ADCY8: variants seen among roughly 807,000 people sequenced by gnomAD.
The protein encoded by ADCY8 is adenylate cyclase 8.
In ADCY8, 51 loss-of-function variants were observed where a neutral mutation model predicts 119.7. That is an observed-to-expected ratio of 0.43 (90% confidence interval 0.34 to 0.54). The LOEUF is 0.54. Ranked by LOEUF, ADCY8 falls within the 20% of genes least tolerant of loss-of-function variation. The pLI, the probability that ADCY8 is intolerant of heterozygous loss-of-function variation, is 0.03. For synonymous variants in ADCY8, 665 were observed against 651.0 expected (o/e 1.02, Z -0.33); for missense variants, 1,383 against 1,598.8 (o/e 0.87, Z 2.30).
At chr8:130,784,920 G>A (rs1454518032) in intron 16 of ADCY8, among the ~76,000 whole-genome samples, 1 of 152,114 alleles carries the variant, frequency 6.6e-6, no homozygotes, top group Non-Finnish European at 1.5e-5. Context: ...GACATTATCT[G>A]AGATAATTCA....
chr8:130,961,077 C>T (rs1203692481), intron 2 of ADCY8, among the ~76,000 whole-genome samples: 1 of 152,112 alleles, frequency 6.6e-6, no homozygotes, highest in African/African-American at 2.4e-5. Flanking sequence ...ACAAAGGAGG[C>T]CTTTTACTTC....
chr8:130,936,468 A>G (rs76208018), intron 5 of ADCY8, among the ~76,000 whole-genome samples: 13,548 of 152,132 alleles, frequency 0.089, 652 homozygotes, highest in Non-Finnish European at 0.1. Context: ...CCTACAGTCC[A>G]TCTGTCACTA....
chr8:130,794,294 G>C (rs1383045721), intron 15 of ADCY8, among the ~76,000 whole-genome samples: 1 of 152,188 alleles, frequency 6.6e-6, no homozygotes, highest in Admixed American at 6.5e-5. Context: ...GCCTGGGCTG[G>C]AGTGCAGTGG....
At chr8:130,964,529 T>C (rs1250722263) in intron 2 of ADCY8, among the ~76,000 whole-genome samples, 2 of 152,244 alleles carry the variant, frequency 1.3e-5, no homozygotes, top group African/African-American at 2.4e-5. Context: ...GGGAAGACTT[T>C]GTAATGCTGA....
At chr8:130,972,825 C>T (rs1047001422) in intron 2 of ADCY8, among the ~76,000 whole-genome samples, 1 of 120,578 alleles carries the variant, frequency 8.3e-6, no homozygotes, top group Admixed American at 9.4e-5. Flanking sequence ...AGCTGAGTGA[C>T]CTTCCTTCAG....
At chr8:131,038,891 A>G (rs1824253306) in intron 1 of ADCY8, among the ~76,000 whole-genome samples, 1 of 152,200 alleles carries the variant, frequency 6.6e-6, no homozygotes, top group Non-Finnish European at 1.5e-5. Flanking sequence ...TGTTTAACAA[A>G]TGTATGTTCC....
intron 12 of ADCY8, among the ~76,000 whole-genome samples, chr8:130,830,981 C>T (rs1243763538): frequency 1.1e-4 from 17 of 152,114 alleles, no homozygotes. Flanking sequence ...AGTTAGAATA[C>T]ATAAGTAATA....
At chr8:130,950,041 G>A (rs955023455) in intron 3 of ADCY8, among the ~76,000 whole-genome samples, 4 of 152,170 alleles carry the variant, frequency 2.6e-5, no homozygotes, top group Admixed American at 6.5e-5. Context: ...TTTAAAACGC[G>A]TGTTCCTGCA....
At chr8:130,968,174 C>CT (rs113345725) in intron 2 of ADCY8, among the ~76,000 whole-genome samples, 247 of 142,776 alleles carry the variant, frequency 1.7e-3, no homozygotes, top group African/African-American at 2.3e-3. Context: ...AGTTATTCTG[C>CT]TTTTTTTTTT....
intron 5 of ADCY8, among the ~76,000 whole-genome samples, chr8:130,932,384 A>G (rs1392647157): frequency 6.6e-6 from 1 of 152,080 alleles, no homozygotes; most frequent in African/African-American, 2.4e-5. Context: ...GTCTGTGGGT[A>G]CCAGCCTGGT....
chr8:130,997,959 G>T (rs931795528), intron 1 of ADCY8, among the ~76,000 whole-genome samples: 2 of 152,054 alleles, frequency 1.3e-5, no homozygotes, highest in African/African-American at 4.8e-5. Context: ...ATTTTTTCCT[G>T]CCCTTATGCA....
At chr8:130,799,051 A>G (rs769083878) in intron 15 of ADCY8, among the ~76,000 whole-genome samples, 37 of 152,274 alleles carry the variant, frequency 2.4e-4, no homozygotes, top group Non-Finnish European at 5.3e-4. Context: ...AAACAAGTAC[A>G]TATGACATCA....
chr8:131,031,736 C>T (rs1316287339), intron 1 of ADCY8, among the ~76,000 whole-genome samples: 3 of 152,116 alleles, frequency 2.0e-5, no homozygotes, highest in Non-Finnish European at 4.4e-5. Context: ...GTCCCTCAGT[C>T]TTGGAATTCC....
chr8:130,869,994 C>CCTT, intron 8 of ADCY8, among the ~76,000 whole-genome samples: 1 of 128,372 alleles, frequency 7.8e-6, no homozygotes, highest in Non-Finnish European at 1.7e-5. Flanking sequence ...TCCTCCTCCT[C>CCTT]TCCTCTTCCT....
chr8:130,812,448 A>T (rs1406304565), intron 14 of ADCY8, among the ~76,000 whole-genome samples: 1 of 152,236 alleles, frequency 6.6e-6, no homozygotes, highest in African/African-American at 2.4e-5. Flanking sequence ...TGTAATTAAG[A>T]TGAGGTCATA....
At chr8:130,914,731 C>A (rs1820077017) in intron 5 of ADCY8, among the ~76,000 whole-genome samples, 1 of 152,120 alleles carries the variant, frequency 6.6e-6, no homozygotes. Flanking sequence ...CAGAGCAGAG[C>A]CCCAGGGATG....
intron 5 of ADCY8, among the ~76,000 whole-genome samples, chr8:130,925,680 T>G (rs1454116871): frequency 6.6e-6 from 1 of 152,200 alleles, no homozygotes; most frequent in Non-Finnish European, 1.5e-5. Context: ...TTTAATAAAA[T>G]GGAATCCTGA....
At chr8:131,004,059 G>C (rs548491853) in intron 1 of ADCY8, among the ~76,000 whole-genome samples, 20 of 152,272 alleles carry the variant, frequency 1.3e-4, no homozygotes, top group Admixed American at 4.6e-4. Context: ...AGAAAAAAAG[G>C]TTTCCTTTTG....
chr8:130,894,523 T>C (rs532909046), intron 7 of ADCY8, among the ~76,000 whole-genome samples: 5 of 152,092 alleles, frequency 3.3e-5, no homozygotes, highest in Non-Finnish European at 7.4e-5. Flanking sequence ...AAAGGTAACA[T>C]AAAAGTCACA....
Sources: allele counts gnomAD v4.1 joint callset (sites outside exome capture counted in the v4.1 genomes callset), GRCh38; gene constraint gnomAD v4.1.1; transcripts MANE v1.5; gene names NCBI Gene and HGNC (gene_info 2026-07-23, HGNC 2026-07-21).